Variants in FBXL17 observed in about 807,000 individuals in gnomAD.
FBXL17 encodes F-box/LRR-repeat protein 17.
In FBXL17, 22 loss-of-function variants were observed where a neutral mutation model predicts 66.2. That is an observed-to-expected ratio of 0.33 (90% CI 0.24 to 0.47). The LOEUF is 0.47. Ranked by LOEUF, FBXL17 falls within the 20% of genes least tolerant of loss-of-function variation. FBXL17 has a pLI of 1.00. For missense variants in FBXL17, 878 were observed against 948.2 expected (o/e 0.93, Z 0.97); for synonymous variants, 474 against 400.5 (o/e 1.18, Z -2.19).
At chr5:107,869,266 C>T (rs570856506) in intron 8 of FBXL17, among the ~76,000 whole-genome samples, 4 of 152,160 alleles carry the variant, frequency 2.6e-5, no homozygotes, top group South Asian at 2.1e-4. Flanking sequence ...TGCTTCTCTC[C>T]GCGTTTCTTG....
intron 4 of FBXL17, among the ~76,000 whole-genome samples, chr5:108,347,401 T>C (rs1349728197): frequency 6.6e-6 from 1 of 152,184 alleles, no homozygotes; most frequent in Non-Finnish European, 1.5e-5. Context: ...ATTTTTCAAT[T>C]TTAAGAACTC....
intron 7 of FBXL17, among the ~76,000 whole-genome samples, chr5:107,914,241 A>G (rs1750052181): frequency 6.6e-6 from 1 of 151,904 alleles, no homozygotes; most frequent in Non-Finnish European, 1.5e-5. Flanking sequence ...ATGGGGGAAA[A>G]CTCTCCTTTA....
At chr5:108,077,833 T>A (rs1748612505) in intron 6 of FBXL17, among the ~76,000 whole-genome samples, 1 of 152,190 alleles carries the variant, frequency 6.6e-6, no homozygotes, top group Admixed American at 6.5e-5. Context: ...TTCTTCTAAC[T>A]TAGAATCACT....
At chr5:108,009,558 G>T (rs1450489566) in intron 7 of FBXL17, among the ~76,000 whole-genome samples, 2 of 151,670 alleles carry the variant, frequency 1.3e-5, no homozygotes, top group African/African-American at 2.4e-5. Context: ...TGTTTGAAAA[G>T]TTGAAAAGTT....
At chr5:108,258,568 T>C (rs541201450) in intron 4 of FBXL17, among the ~76,000 whole-genome samples, 1 of 152,250 alleles carries the variant, frequency 6.6e-6, no homozygotes, top group South Asian at 2.1e-4. Context: ...AAATTTCTGT[T>C]TGTTATTCAT....
intron 6 of FBXL17, among the ~76,000 whole-genome samples, chr5:108,117,078 G>C (rs75107658): frequency 6.6e-6 from 1 of 152,108 alleles, no homozygotes; most frequent in Non-Finnish European, 1.5e-5. Context: ...TATTTAGAGC[G>C]ATTCACTAGT....
intron 7 of FBXL17, among the ~76,000 whole-genome samples, chr5:108,012,516 A>G (rs1426600670): frequency 1.3e-5 from 2 of 152,166 alleles, no homozygotes; most frequent in African/African-American, 2.4e-5. Context: ...GTCTGGATTT[A>G]GTTATATTTT....
At chr5:108,217,409 T>C (rs1754653306) in intron 5 of FBXL17, among the ~76,000 whole-genome samples, 1 of 152,160 alleles carries the variant, frequency 6.6e-6, no homozygotes, top group African/African-American at 2.4e-5. Flanking sequence ...TCTGTAGTTT[T>C]CTCAACCCTC....
chr5:108,082,065 A>C (rs1031089558), intron 6 of FBXL17, among the ~76,000 whole-genome samples: 1 of 152,166 alleles, frequency 6.6e-6, no homozygotes, highest in Non-Finnish European at 1.5e-5. Context: ...GGAACCAAGA[A>C]GTGCACAGAC....
intron 5 of FBXL17, among the ~76,000 whole-genome samples, chr5:108,193,623 A>G (rs1298890710): frequency 1.3e-5 from 2 of 152,150 alleles, no homozygotes; most frequent in Non-Finnish European, 2.9e-5. Flanking sequence ...AAAAATCTAA[A>G]TAAGCCACAT....
intron 5 of FBXL17, among the ~76,000 whole-genome samples, chr5:108,217,221 C>T (rs1051286489): frequency 7.9e-5 from 12 of 152,112 alleles, no homozygotes; most frequent in African/African-American, 2.9e-4. Flanking sequence ...TCTCTGCTGG[C>T]AGAGAGCTTT....
chr5:108,332,761 T>C (rs1011420742), intron 4 of FBXL17, among the ~76,000 whole-genome samples: 1 of 151,698 alleles, frequency 6.6e-6, no homozygotes, highest in Non-Finnish European at 1.5e-5. Context: ...TTGTGCACCA[T>C]CATGTCCAGC....
chr5:108,132,730 T>C (rs181882997), intron 6 of FBXL17, among the ~76,000 whole-genome samples: 4 of 152,328 alleles, frequency 2.6e-5, no homozygotes, highest in Admixed American at 6.5e-5. Context: ...GACATTTTAT[T>C]TAACTATGTA....
At chr5:107,988,991 C>A (rs934708488) in intron 7 of FBXL17, among the ~76,000 whole-genome samples, 1 of 151,768 alleles carries the variant, frequency 6.6e-6, no homozygotes, top group African/African-American at 2.4e-5. Context: ...TCTTCATTTT[C>A]TTTTTTTCTC....
At chr5:108,245,330 C>T (rs1756045610) in intron 4 of FBXL17, among the ~76,000 whole-genome samples, 1 of 151,768 alleles carries the variant, frequency 6.6e-6, no homozygotes, top group African/African-American at 2.4e-5. Context: ...AGGTATAAAG[C>T]CCTAATAATC....
chr5:108,328,233 T>C (rs1295716746), intron 4 of FBXL17, among the ~76,000 whole-genome samples: 6 of 152,092 alleles, frequency 3.9e-5, no homozygotes, highest in Non-Finnish European at 8.8e-5. Context: ...TTATTTAAAG[T>C]ATCTTAAGCC....
chr5:108,208,254 T>G (rs1357985639), intron 5 of FBXL17, among the ~76,000 whole-genome samples: 1 of 152,234 alleles, frequency 6.6e-6, no homozygotes, highest in African/African-American at 2.4e-5. Context: ...CTTCTCCCAT[T>G]CTGTAGGGTC....
In FBXL17 at chr5:108,348,568, A is replaced by G. The variant is rs111631050; in HGVS notation, c.1375-38T>C. The stretch of plus-strand genomic sequence containing the variant: ...AGATTTAGCTGAATGCTCAAAAAAT[A>G]ACAAAGGCAACATATTTCAAGTGAG... On this transcript the variant is annotated intron_variant, in intron 3 of 8. Transcript: ENST00000542267. The G allele has an allele frequency of 1.3e-3, 2,044 of 1,581,942 alleles. 36 individuals are homozygous for G. The African/African-American group carries it at 0.024, about 18-fold the overall frequency.
intron 7 of FBXL17, among the ~76,000 whole-genome samples, chr5:107,946,743 G>A (rs1197459757): frequency 6.6e-6 from 1 of 151,894 alleles, no homozygotes; most frequent in Non-Finnish European, 1.5e-5. Context: ...ACAGTAATAT[G>A]CAGAATAGTG....
Sources: gnomAD v4.1 joint callset for allele counts (sites outside exome capture counted in the v4.1 genomes callset) on GRCh38, gnomAD v4.1.1 for gene constraint, MANE v1.5 for transcripts, NCBI Gene and HGNC (gene_info 2026-07-23, HGNC 2026-07-21) for gene names.